Variants in TEX10 observed in about 807,000 individuals in gnomAD.
TEX10 encodes the protein testis-expressed protein 10.
Under a neutral mutation model 104.4 loss-of-function variants are expected in TEX10, and 24 were observed. That is an observed-to-expected ratio of 0.23 (90% CI 0.17 to 0.32). The LOEUF is 0.32. Ranked by LOEUF, TEX10 falls within the 10% of genes least tolerant of loss-of-function variation. TEX10 has a pLI of 1.00. For missense variants in TEX10, 921 were observed against 1,083.9 expected (o/e 0.85, Z 2.11); for synonymous variants, 396 against 393.4 (o/e 1.01, Z -0.08).
chr9:100,317,101 A>G lies in TEX10; in HGVS notation c.2202+3164T>C, dbSNP rs368599661. Among the ~76,000 whole-genome samples the G allele has an allele frequency of 5.9e-5, 9 of 152,262 alleles. No homozygotes were observed. In the South Asian group the frequency reaches 1.9e-3, roughly 32 times the overall value. ...CTTTAGATTAAATGAAACGGCTGTCAAAATACCAGTATCATTTTTCACAAA... is the reference window on the plus strand; with the variant it reads ...CTTTAGATTAAATGAAACGGCTGTCGAAATACCAGTATCATTTTTCACAAA... On this transcript the variant is annotated intron_variant, in intron 11 of 14. Transcript: ENST00000374902.
rs374149232 is a variant in TEX10, at chr9:100,330,229, AAT to A, written c.1251-62_1251-61del. ...ACGTCTACCATGCCTGCTTCATTAGAATACTTAAAATAATCTATCAATGGAGT... is the reference window on the plus strand; with the variant it reads ...ACGTCTACCATGCCTGCTTCATTAGAACTTAAAATAATCTATCAATGGAGT... On this transcript the variant is annotated intron_variant, in intron 5 of 14. Coordinates refer to ENST00000374902, the MANE Select transcript of TEX10 (RefSeq NM_017746.4). 7.7e-4 allele frequency: 916 copies of A among 1,196,542 alleles called. 15 individuals carry two copies. The East Asian group carries it at 0.015, about 20-fold the overall frequency. 74.1% of individuals were successfully genotyped at this position (1,196,542 alleles called of 1,614,324 possible).
At position 100,349,245 on chromosome 9, in the gene TEX10, A is replaced by G; in HGVS notation, c.119T>C (p.Leu40Pro). The G allele has an allele frequency of 6.3e-7, 1 of 1,597,952 alleles. No individual in the cohort carries two copies. Among genetic ancestry groups the G allele is most frequent in the South Asian group, 1.2e-5 (1 of 85,692 alleles). Residue 40 changes from leucine to proline, a missense_variant, in exon 2 of 15, where the codon CTG becomes CCG. Transcript: ENST00000374902. ...TCCATCCTCTTTGAGTTGCTCAGGC[A>G]GATGTATAGTCTTTGTTTTAAAGTT... is the stretch of plus-strand genomic sequence containing the variant. ...PTNFKTKTIH[L>P]PEQLKEDGTL... is the part of the protein sequence containing the mutation.
Position 100,347,247 on chromosome 9 carries a change from C to T in TEX10, c.340G>A (p.Val114Ile). Residue 114 changes from valine to isoleucine, a missense_variant, in exon 3 of 15, where the codon GTA becomes ATA. Val to Ile is a conservative substitution (Grantham distance 29, BLOSUM62 3). Coordinates refer to ENST00000374902, the MANE Select transcript of TEX10 (RefSeq NM_017746.4). The stretch of plus-strand genomic sequence containing the variant: ...AGAAGTTGAACTGCTGCTAATCGTA[C>T]ATTAGCATCTTTATCTGTAAACACA... The part of the protein sequence containing the change: ...TAVFTDKDAN[V>I]RLAAVQLLQF... 1 of 1,614,136 alleles carries T rather than the reference C, an allele frequency of 6.2e-7. No individual in the cohort carries two copies. Among genetic ancestry groups the T allele is most frequent in the Non-Finnish European group, 8.5e-7 (1 of 1,180,004 alleles).
At chr9:100,338,027 C>T (rs184494151) in intron 5 of TEX10, among the ~76,000 whole-genome samples, 30 of 152,266 alleles carry the variant, frequency 2.0e-4, no homozygotes, top group African/African-American at 5.3e-4. Flanking sequence ...GCTTCAAAGT[C>T]GCCCTCTATA....
At position 100,320,354 on chromosome 9, in the gene TEX10, C is replaced by T. The variant is rs1834535576; in HGVS notation, c.2113G>A (p.Val705Ile). The change falls in exon 11 of 15, where the codon GTT (valine) becomes ATT (isoleucine). Residue 705 changes from valine (V) to isoleucine (I), a missense_variant. Physicochemically the swap from Val to Ile is conservative, Grantham distance 29 (BLOSUM62 3). Transcript: ENST00000374902. Reference protein sequence around the residue: ...ELTWLQSLRGVPHVIQTQLSP... With the variant: ...ELTWLQSLRGIPHVIQTQLSP... Reference sequence around the variant, plus strand: ...AGCTGTGTCTGGATGACATGAGGAACTCCTCGAAGGCTCTGAAGCCAAGTC... The same window carrying T: ...AGCTGTGTCTGGATGACATGAGGAATTCCTCGAAGGCTCTGAAGCCAAGTC... 3.1e-6 allele frequency: 5 copies of T among 1,612,740 alleles called. No individual in the cohort carries two copies. The African/African-American group carries it at 5.3e-5, about 17-fold the overall frequency.
chr9:100,306,982 A>G (rs1204481700), intron 13 of TEX10: 2 of 152,180 alleles, frequency 1.3e-5, no homozygotes, highest in Non-Finnish European at 2.9e-5. Context: ...ATCTTATAAA[A>G]TCTCTAGAAC....
chr9:100,321,702 G>A lies in TEX10; in HGVS notation c.2049C>T (p.Phe683=). The change falls in exon 10 of 15, where the codon TTC becomes TTT. Residue 683 remains phenylalanine, a synonymous_variant. Coordinates refer to ENST00000374902, the MANE Select transcript of TEX10 (RefSeq NM_017746.4). ...GGTTACCTGTAAGTGTGGAAAATAA[G>A]AAGCTGAAATAGTCTACATCACTCA... is the stretch of plus-strand genomic sequence containing the variant. ...WLMSDVDYFS[F]LFSTLTGFSK... 1 of 1,612,124 alleles carries A rather than the reference G, an allele frequency of 6.2e-7. No individual in the cohort carries two copies. Among genetic ancestry groups the A allele is most frequent in the Non-Finnish European group, 8.5e-7 (1 of 1,179,524 alleles).
At chr9:100,326,891 A>G (rs1834718831) in intron 8 of TEX10, among the ~76,000 whole-genome samples, 1 of 152,204 alleles carries the variant, frequency 6.6e-6, no homozygotes, top group Non-Finnish European at 1.5e-5. Context: ...ATTGAAAAAT[A>G]CATATTTAAA....
rs956700853 is a variant in TEX10, at chr9:100,339,941, G to T, written c.1250+316C>A. Among the ~76,000 whole-genome samples the T allele has an allele frequency of 6.6e-5, 10 of 152,036 alleles. No homozygotes were observed. In the South Asian group the frequency reaches 1.9e-3, roughly 28 times the overall value. ...ATCAAGATATTCTCTTGCTTAAGAG[G>T]TTCAATAATCACACAGTGCCTCACC... On this transcript the variant is annotated intron_variant, in intron 5 of 14. Coordinates refer to ENST00000374902, the MANE Select transcript of TEX10 (RefSeq NM_017746.4).
intron 11 of TEX10, among the ~76,000 whole-genome samples, chr9:100,314,246 C>A (rs889803360): frequency 6.6e-6 from 1 of 152,044 alleles, no homozygotes; most frequent in Non-Finnish European, 1.5e-5. Context: ...TGCCACCACA[C>A]CTGGGTAACT....
chr9:100,349,309 C>T lies in TEX10; in HGVS notation c.55G>A (p.Gly19Ser). ...TTTTGTAACTTGGGCTTCTTTTTAC[C>T]AACTTTCAATTTTACTTTTTGAAAA... ...HDFQKVKLKV[G>S]KKKPKLQNAT... The change falls in exon 2 of 15, where the codon GGT becomes AGT. Residue 19 changes from glycine to serine, a missense_variant. Physicochemically the swap from Gly to Ser is moderately conservative, Grantham distance 56 (BLOSUM62 0). Around this residue, in one of 3 missense-constraint regions of TEX10, gnomAD observed 118 missense variants for 111.3 expected, o/e 1.06. Transcript: ENST00000374902. The T allele has an allele frequency of 1.2e-6, 2 of 1,602,954 alleles. No individual in the cohort carries two copies. Among genetic ancestry groups the T allele is most frequent in the African/African-American group, 1.3e-5 (1 of 74,276 alleles).
At chr9:100,351,884 G>A (rs987133667) in intron 1 of TEX10, among the ~76,000 whole-genome samples, 2 of 152,122 alleles carry the variant, frequency 1.3e-5, no homozygotes, top group African/African-American at 4.8e-5. Flanking sequence ...GTCCCACTAA[G>A]CCACTTTTAC....
chr9:100,331,415 CA>C (rs1341338442), intron 5 of TEX10, among the ~76,000 whole-genome samples: 6 of 152,136 alleles, frequency 3.9e-5, no homozygotes, highest in African/African-American at 1.4e-4. Flanking sequence ...CCAACCTGGG[CA>C]ACAAAGAGAG....
intron 3 of TEX10, 75 bp downstream of exon 3, chr9:100,346,619 C>G (rs530468079): frequency 1.5e-5 from 21 of 1,444,332 alleles, no homozygotes; most frequent in South Asian, 1.1e-4. Flanking sequence ...TGTCTTCCCA[C>G]CAACAGTCAT....
At position 100,352,941 on chromosome 9, in the gene TEX10, G is replaced by C. The variant is rs1835503755; in HGVS notation, c.-179C>G. ...GTCTCCTTCCGCCGCCCGGAAATCA[G>C]GGCCCCTCCCCCTCCCTGCTGTGCT... On this transcript the variant is annotated 5_prime_UTR_variant, in exon 1 of 15. Transcript: ENST00000374902. 3 of 991,762 alleles carry C rather than the reference G, an allele frequency of 3.0e-6. No individual in the cohort carries two copies. Among genetic ancestry groups the C allele is most frequent in the Middle Eastern group, 5.1e-4 (1 of 1,956 alleles). 61.4% of individuals were successfully genotyped at this position (991,762 alleles called of 1,614,324 possible).
In TEX10 at chr9:100,352,902, C is replaced by A; in HGVS notation, c.-140G>T. 1 of 991,504 alleles carries A rather than the reference C, an allele frequency of 1.0e-6. No homozygotes were observed. Among genetic ancestry groups the A allele is most frequent in the Non-Finnish European group, 1.2e-6 (1 of 834,526 alleles). 61.4% of individuals were successfully genotyped at this position (991,504 alleles called of 1,614,324 possible). On this transcript the variant is annotated 5_prime_UTR_variant, in exon 1 of 15. Coordinates refer to ENST00000374902, the MANE Select transcript of TEX10 (RefSeq NM_017746.4). Reference sequence around the variant, plus strand: ...GGAGCGTGTTTTCAAATAGCCTCGTCCTCACGCGGCCGCGTCTCCTTCCGC... The same window carrying A: ...GGAGCGTGTTTTCAAATAGCCTCGTACTCACGCGGCCGCGTCTCCTTCCGC...
At chr9:100,335,423 G>C (rs1834982240) in intron 5 of TEX10, among the ~76,000 whole-genome samples, 1 of 152,000 alleles carries the variant, frequency 6.6e-6, no homozygotes, top group East Asian at 1.9e-4. Flanking sequence ...GGATGGTCTA[G>C]GTCTCCTGAC....
chr9:100,323,314 G>A (rs1374241993), intron 9 of TEX10, among the ~76,000 whole-genome samples: 5 of 152,142 alleles, frequency 3.3e-5, no homozygotes, highest in African/African-American at 9.7e-5. Context: ...ATTATGCTGG[G>A]CCAAAAGGAG....
chr9:100,331,915 T>A (rs1302523106), intron 5 of TEX10, among the ~76,000 whole-genome samples: 1 of 152,198 alleles, frequency 6.6e-6, no homozygotes, highest in Non-Finnish European at 1.5e-5. Context: ...CTTAAATATA[T>A]ACAAATATGT....
Sources: gnomAD v4.1 joint callset for allele counts (sites outside exome capture counted in the v4.1 genomes callset) on GRCh38, gnomAD v4.1.1 for gene constraint, gnomAD v4.1.1 regional missense constraint, MANE v1.5 for transcripts, NCBI Gene and HGNC (gene_info 2026-07-23, HGNC 2026-07-21) for gene names.